GNG2: variants seen among roughly 807,000 people sequenced by gnomAD.
The protein encoded by GNG2 is G protein subunit gamma 2.
In GNG2, 5 loss-of-function variants were observed where a neutral mutation model predicts 5.5. That is an observed-to-expected ratio of 0.91 (90% CI 0.48 to 1.92). GNG2 has a LOEUF of 1.92. GNG2 is among the 30% of genes most tolerant of loss of function. The probability of loss-of-function intolerance (pLI) is 0.01; values close to 1 mark genes in which losing one functional copy is unlikely to be tolerated. For missense variants in GNG2, 55 were observed against 88.4 expected (o/e 0.62, Z 1.52); for synonymous variants, 28 against 32.0 (o/e 0.88, Z 0.42).
chr14:51,957,633 A>T (rs1889348545), intron 3 of GNG2, among the ~76,000 whole-genome samples: 1 of 152,224 alleles, frequency 6.6e-6, no homozygotes, highest in African/African-American at 2.4e-5. Context: ...GGAAATTAAC[A>T]CTGACCCATT....
intron 2 of GNG2, among the ~76,000 whole-genome samples, chr14:51,840,699 T>C (rs914263066): frequency 5.3e-5 from 8 of 152,230 alleles, no homozygotes; most frequent in African/African-American, 1.7e-4. Flanking sequence ...TGTACTTCTG[T>C]CAATCTGCCC....
Position 51,968,342 on chromosome 14 carries a change from T to G in GNG2, c.*1655T>G, listed in dbSNP as rs1890038198. 1 of 151,202 alleles carries G rather than the reference T, an allele frequency of 6.6e-6. No individual in the cohort carries two copies. The allele number at this position is 151,202 out of a possible 1,614,324, so 9.4% of individuals were successfully genotyped here. A position where few individuals can be genotyped will look rare whatever the true frequency, so the allele number is the denominator to read the frequency against. On this transcript the variant is annotated 3_prime_UTR_variant, in exon 4 of 4. Coordinates refer to ENST00000556766, the MANE Select transcript of GNG2 (RefSeq NM_053064.5). Reference sequence around the variant, plus strand: ...TTAATTTTATTGTCTCTTTCCTCTCTATTCGCTTTCTCCTGTTTTTTTTTT... The same window carrying G: ...TTAATTTTATTGTCTCTTTCCTCTCGATTCGCTTTCTCCTGTTTTTTTTTT...
At chr14:51,909,181 T>C (rs1481876379) in intron 2 of GNG2, among the ~76,000 whole-genome samples, 8 of 152,200 alleles carry the variant, frequency 5.3e-5, no homozygotes, top group Non-Finnish European at 1.5e-5. Context: ...CTCTGGCAAA[T>C]AGAATAACTT....
chr14:51,926,041 CT>C (rs999667127), intron 2 of GNG2, among the ~76,000 whole-genome samples: 23 of 147,760 alleles, frequency 1.6e-4, no homozygotes, highest in East Asian at 2.0e-4. Flanking sequence ...TTTCTTTTTT[CT>C]TTTTTTTTTA....
chr14:51,879,676 C>T (rs908811495), intron 2 of GNG2, among the ~76,000 whole-genome samples: 2 of 152,178 alleles, frequency 1.3e-5, no homozygotes, highest in Non-Finnish European at 2.9e-5. Flanking sequence ...AGTAGCATTG[C>T]CTCTCCATGC....
chr14:51,847,814 C>A (rs1005349541), intron 2 of GNG2, among the ~76,000 whole-genome samples: 8 of 135,518 alleles, frequency 5.9e-5, no homozygotes, highest in African/African-American at 1.9e-4. Context: ...TTTAAAAAGT[C>A]TTCTAATGGC....
intron 2 of GNG2, among the ~76,000 whole-genome samples, chr14:51,879,240 C>T (rs1014266761): frequency 4.6e-5 from 7 of 152,144 alleles, no homozygotes; most frequent in Non-Finnish European, 8.8e-5. Context: ...TGCTAACAAA[C>T]GCAAGAAGCT....
chr14:51,829,506 C>G (rs1361886897), intron 2 of GNG2, among the ~76,000 whole-genome samples: 1 of 152,130 alleles, frequency 6.6e-6, no homozygotes, highest in African/African-American at 2.4e-5. Flanking sequence ...CCTGGCTAAA[C>G]CCAACTCATC....
intron 2 of GNG2, among the ~76,000 whole-genome samples, chr14:51,935,030 T>G (rs1021105483): frequency 6.7e-6 from 1 of 149,658 alleles, no homozygotes. Flanking sequence ...TCTTTCTTTT[T>G]TTTTTTTTTT....
At chr14:51,852,940 C>G (rs1190525468) in intron 2 of GNG2, among the ~76,000 whole-genome samples, 1 of 152,128 alleles carries the variant, frequency 6.6e-6, no homozygotes, top group South Asian at 2.1e-4. Flanking sequence ...TTTTTTCCTG[C>G]TGGTTTAATG....
intron 2 of GNG2, among the ~76,000 whole-genome samples, chr14:51,905,554 T>C (rs1259135504): frequency 2.6e-5 from 4 of 152,212 alleles, no homozygotes; most frequent in Non-Finnish European, 4.4e-5. Flanking sequence ...CTTAGTTACC[T>C]TTACTCTTTC....
intron 2 of GNG2, chr14:51,918,435 C>A (rs181172230): frequency 6.6e-5 from 10 of 151,336 alleles, no homozygotes; most frequent in African/African-American, 2.4e-4. Flanking sequence ...TGATAAAATA[C>A]GGCAAAGGGT....
chr14:51,938,206 C>T (rs1409471731), intron 2 of GNG2, among the ~76,000 whole-genome samples: 2 of 152,178 alleles, frequency 1.3e-5, no homozygotes, highest in Non-Finnish European at 2.9e-5. Context: ...CCAACCCTCC[C>T]TCAAAAAATT....
intron 3 of GNG2, among the ~76,000 whole-genome samples, chr14:51,966,261 C>T (rs1035478605): frequency 5.3e-5 from 8 of 149,658 alleles, no homozygotes; most frequent in African/African-American, 7.4e-5. Context: ...CAGCCACCTG[C>T]GGGGCTATGG....
intron 2 of GNG2, among the ~76,000 whole-genome samples, chr14:51,907,813 G>A (rs546854608): frequency 6.6e-6 from 1 of 152,272 alleles, no homozygotes; most frequent in Non-Finnish European, 1.5e-5. Flanking sequence ...GGAGAGAACA[G>A]AATACCCTAC....
intron 2 of GNG2, among the ~76,000 whole-genome samples, chr14:51,878,244 C>T (rs1883807636): frequency 6.6e-6 from 1 of 152,198 alleles, no homozygotes; most frequent in East Asian, 1.9e-4. Context: ...TTTGCCCACT[C>T]CAAGATACAC....
intron 2 of GNG2, among the ~76,000 whole-genome samples, chr14:51,938,298 T>C (rs1388523417): frequency 1.3e-5 from 2 of 152,222 alleles, no homozygotes; most frequent in Admixed American, 1.3e-4. Flanking sequence ...CCTTTGCCAT[T>C]CTTATTTCAT....
At chr14:51,841,670 G>T (rs1159687874) in intron 2 of GNG2, 1 of 632,324 alleles carries the variant, frequency 1.6e-6, no homozygotes. Flanking sequence ...AAAGGGAAGG[G>T]TAGGATGGAG....
intron 2 of GNG2, among the ~76,000 whole-genome samples, chr14:51,904,225 C>T (rs1339623257): frequency 6.6e-6 from 1 of 152,162 alleles, no homozygotes; most frequent in Non-Finnish European, 1.5e-5. Context: ...TCTCTGAAAG[C>T]CCAGAGTAGC....
Sources: allele counts gnomAD v4.1 joint callset (sites outside exome capture counted in the v4.1 genomes callset), GRCh38; gene constraint gnomAD v4.1.1; transcripts MANE v1.5; gene names NCBI Gene and HGNC (gene_info 2026-07-23, HGNC 2026-07-21).